CPED1: variants seen among roughly 807,000 people sequenced by gnomAD.
The protein encoded by CPED1 is cadherin like and PC-esterase domain containing 1.
CPED1 carries 114 observed loss-of-function variants against 128.2 expected under a neutral mutation model. That is an observed-to-expected ratio of 0.89 (90% CI 0.76 to 1.04). The LOEUF is 1.04. Ranked by LOEUF, CPED1 falls within the 50% of genes least tolerant of loss-of-function variation. CPED1 has a pLI of 0.00. For missense variants in CPED1, 1,211 were observed against 1,207.1 expected (o/e 1.00, Z -0.05); for synonymous variants, 462 against 426.7 (o/e 1.08, Z -1.02).
At chr7:121,268,880 G>A (rs985937684) in intron 21 of CPED1, among the ~76,000 whole-genome samples, 18 of 151,958 alleles carry the variant, frequency 1.2e-4, no homozygotes, top group African/African-American at 3.9e-4. Context: ...TGACACACTA[G>A]ACTGGGTTGG....
intron 7 of CPED1, among the ~76,000 whole-genome samples, chr7:121,111,660 TAACTC>T (rs1563029621): frequency 6.6e-6 from 1 of 152,068 alleles, no homozygotes; most frequent in South Asian, 2.1e-4. Flanking sequence ...TTGAAACAAA[TAACTC>T]AATCAGAATC....
intron 18 of CPED1, among the ~76,000 whole-genome samples, chr7:121,254,887 G>C (rs1397041681): frequency 6.7e-6 from 1 of 149,480 alleles, no homozygotes; most frequent in Non-Finnish European, 1.5e-5. Flanking sequence ...CCAATATTGA[G>C]CTCTGAAATT....
intron 5 of CPED1, among the ~76,000 whole-genome samples, chr7:121,076,945 AG>A (rs1290517177): frequency 6.6e-6 from 1 of 152,136 alleles, no homozygotes; most frequent in Admixed American, 6.6e-5. Flanking sequence ...AAAAATACTC[AG>A]GAGTCCCATA....
chr7:121,178,701 T>A (rs980904864), intron 16 of CPED1, among the ~76,000 whole-genome samples: 1 of 152,028 alleles, frequency 6.6e-6, no homozygotes, highest in Non-Finnish European at 1.5e-5. Context: ...CTTAGATGAC[T>A]GAGGGTGAAT....
chr7:121,290,259 A>G (rs1280891407), intron 22 of CPED1, among the ~76,000 whole-genome samples: 1 of 152,224 alleles, frequency 6.6e-6, no homozygotes, highest in Non-Finnish European at 1.5e-5. Context: ...ATAGTGGTGC[A>G]ATAAACATAT....
intron 12 of CPED1, among the ~76,000 whole-genome samples, chr7:121,132,898 A>G (rs1301592838): frequency 3.9e-5 from 6 of 152,084 alleles, no homozygotes; most frequent in Non-Finnish European, 8.8e-5. Flanking sequence ...ATGGCTTCCA[A>G]CTTTAGCAAT....
intron 18 of CPED1, among the ~76,000 whole-genome samples, chr7:121,253,701 A>T (rs962939717): frequency 1.3e-5 from 2 of 152,100 alleles, no homozygotes; most frequent in Admixed American, 6.6e-5. Context: ...ATGTAAGAAC[A>T]CCCACAAGCT....
intron 3 of CPED1, among the ~76,000 whole-genome samples, chr7:121,032,646 C>T (rs190808711): frequency 6.6e-6 from 1 of 151,968 alleles, no homozygotes; most frequent in African/African-American, 2.4e-5. Context: ...TAGCAAACCA[C>T]CACGGCACAT....
At chr7:121,232,172 A>G (rs1798155266) in intron 16 of CPED1, among the ~76,000 whole-genome samples, 1 of 152,130 alleles carries the variant, frequency 6.6e-6, no homozygotes, top group Non-Finnish European at 1.5e-5. Context: ...GAAAGAGGGC[A>G]AGTTGTCTTT....
intron 22 of CPED1, among the ~76,000 whole-genome samples, chr7:121,284,450 G>T (rs1792523978): frequency 6.6e-6 from 1 of 152,024 alleles, no homozygotes; most frequent in South Asian, 2.1e-4. Context: ...GCTAATTCCA[G>T]CATTAACCCA....
At chr7:121,260,236 T>G (rs1014780700) in intron 18 of CPED1, among the ~76,000 whole-genome samples, 6 of 150,136 alleles carry the variant, frequency 4.0e-5, no homozygotes, top group South Asian at 2.1e-4. Context: ...TTTTTTTTTT[T>G]TTTTTTTTTT....
At position 121,132,921 on chromosome 7, in the gene CPED1, T is replaced by G. The variant is rs180827106; in HGVS notation, c.1578-902T>G. 6.8e-4 allele frequency among the ~76,000 whole-genome samples: 104 copies of G among 152,226 alleles called. 2 individuals are homozygous for G. Among genetic ancestry groups the G allele is most frequent in the African/African-American group, 2.4e-3 (100 of 41,560 alleles). ...CAACTTTAGCAATAATTTTAATTCC[T>G]TGATGCTTTTAAATTTCCTAGCTGA... On this transcript the variant is annotated intron_variant, in intron 12 of 22. Transcript: ENST00000310396.
chr7:121,208,184 A>G (rs997897190), intron 16 of CPED1, among the ~76,000 whole-genome samples: 3 of 152,150 alleles, frequency 2.0e-5, no homozygotes, highest in East Asian at 1.9e-4. Flanking sequence ...AAATGGCTAC[A>G]GTATGTAATG....
At position 121,176,216 on chromosome 7, in the gene CPED1, A is replaced by AAAAAAC. The variant is rs140183112; in HGVS notation, c.2055+34075_2055+34076insAAAAAC. On this transcript the variant is annotated intron_variant, in intron 16 of 22. Transcript: ENST00000310396. ...TGGAAAAAAAAAAAAAAAAAAAAAA[A>AAAAAAC]CACCTCTGGAAATAACTTGAATTGC... Among the ~76,000 whole-genome samples, 9 of 93,034 alleles carry AAAAAAC rather than the reference A, an allele frequency of 9.7e-5. 4 individuals carry two copies. Among genetic ancestry groups the AAAAAAC allele is most frequent in the African/African-American group, 1.3e-4 (3 of 22,286 alleles). The allele number at this position is 93,034 out of a possible 152,430, so 61.0% of individuals were successfully genotyped here. A position where few individuals can be genotyped will look rare whatever the true frequency, so the allele number is the denominator to read the frequency against.
chr7:121,067,865 T>C (rs987305272), intron 5 of CPED1, among the ~76,000 whole-genome samples: 1 of 152,248 alleles, frequency 6.6e-6, no homozygotes, highest in African/African-American at 2.4e-5. Context: ...TGATGGCCAG[T>C]GATGATGAGC....
chr7:121,111,771 G>A lies in CPED1; in HGVS notation c.918+11677G>A, dbSNP rs144461134. The stretch of plus-strand genomic sequence containing the variant: ...TTCTCCATATGAGAGGTGTGAGAAG[G>A]AGATGCGGGCTCCATTTCAAAAAGA... On this transcript the variant is annotated intron_variant, in intron 7 of 22. Transcript: ENST00000310396. 7.9e-5 allele frequency among the ~76,000 whole-genome samples: 12 copies of A among 152,286 alleles called. No homozygotes were observed. The East Asian group carries it at 2.3e-3, about 29-fold the overall frequency.
intron 7 of CPED1, among the ~76,000 whole-genome samples, chr7:121,117,100 A>ATATATATATATATATATAT (rs1450957943): frequency 1.1e-4 from 8 of 70,648 alleles, no homozygotes; most frequent in African/African-American, 3.8e-4. Context: ...TATATATATA[A>ATATATATATATATATATAT]ATATATATAT....
At chr7:121,087,454 T>C (rs1794452029) in intron 5 of CPED1, among the ~76,000 whole-genome samples, 2 of 152,166 alleles carry the variant, frequency 1.3e-5, no homozygotes, top group Non-Finnish European at 2.9e-5. Flanking sequence ...CCTGTATCCC[T>C]CTTTCTTAGA....
chr7:121,231,868 A>G (rs550689946), intron 16 of CPED1, among the ~76,000 whole-genome samples: 3 of 152,262 alleles, frequency 2.0e-5, no homozygotes, highest in African/African-American at 7.2e-5. Flanking sequence ...CCTGGCTTGA[A>G]TGAAATATTC....
Sources: gnomAD v4.1 joint callset for allele counts (sites outside exome capture counted in the v4.1 genomes callset) on GRCh38, gnomAD v4.1.1 for gene constraint, MANE v1.5 for transcripts, NCBI Gene and HGNC (gene_info 2026-07-23, HGNC 2026-07-21) for gene names.